Variants in VPS13B observed in about 807,000 individuals in gnomAD.
VPS13B encodes the protein intermembrane lipid transfer protein VPS13B.
VPS13B carries 285 observed loss-of-function variants against 426.4 expected under a neutral mutation model. The observed-to-expected ratio is 0.67, with a 90% CI of 0.61 to 0.74. VPS13B has a LOEUF of 0.74. Ranked by LOEUF, VPS13B falls within the 30% of genes least tolerant of loss-of-function variation. The pLI is 0.00. For synonymous variants in VPS13B, 1,676 were observed against 1,676.4 expected, an observed-to-expected ratio of 1.00 and a Z score of 0.01; for missense variants, 4,537 against 4,782.6, an observed-to-expected ratio of 0.95 and a Z score of 1.51.
chr8:99,255,561 T>C lies in VPS13B; in HGVS notation c.2516-18637T>C, dbSNP rs1563629765. ...GTGGAAGGGAACATGCCTCCACTTATTACTGCTAGGGGATGTACAAATCCA... is the reference window on the plus strand; with the variant it reads ...GTGGAAGGGAACATGCCTCCACTTACTACTGCTAGGGGATGTACAAATCCA... On this transcript the variant is annotated intron_variant, in intron 17 of 61. Coordinates refer to ENST00000357162, the MANE Select transcript of VPS13B (RefSeq NM_152564.5). 2.0e-5 allele frequency among the ~76,000 whole-genome samples: 3 copies of C among 152,338 alleles called. 1 individual carries two copies. Among genetic ancestry groups the C allele is most frequent in the South Asian group, 4.1e-4 (2 of 4,822 alleles).
intron 39 of VPS13B, among the ~76,000 whole-genome samples, chr8:99,762,235 A>G (rs1236912101): frequency 2.6e-5 from 4 of 152,042 alleles, no homozygotes; most frequent in Non-Finnish European, 4.4e-5. Context: ...CGAGTTGCCC[A>G]GGCTGATTTC....
At chr8:99,404,173 C>T (rs1399103462) in intron 21 of VPS13B, among the ~76,000 whole-genome samples, 4 of 152,126 alleles carry the variant, frequency 2.6e-5, no homozygotes, top group Non-Finnish European at 5.9e-5. Flanking sequence ...TGTAATGTCA[C>T]TTAATTTTAA....
Position 99,837,172 on chromosome 8 carries a change from G to C in VPS13B, c.9942+1434G>C, listed in dbSNP as rs1315717679. ...GGAAAAAGAGAGGGGCCTGAGAAGAGCAGTAGCTGTGGAAACTGGTGAAGG... is the reference window on the plus strand; with the variant it reads ...GGAAAAAGAGAGGGGCCTGAGAAGACCAGTAGCTGTGGAAACTGGTGAAGG... On this transcript the variant is annotated intron_variant, in intron 54 of 61. Coordinates refer to ENST00000357162, the MANE Select transcript of VPS13B (RefSeq NM_152564.5). 2.0e-5 allele frequency among the ~76,000 whole-genome samples: 3 copies of C among 152,196 alleles called. No homozygotes were observed. In the East Asian group the frequency reaches 5.8e-4, roughly 29 times the overall value.
chr8:99,155,211 G>A (rs1437297713), intron 14 of VPS13B, among the ~76,000 whole-genome samples: 3 of 152,078 alleles, frequency 2.0e-5, no homozygotes, highest in Admixed American at 2.0e-4. Context: ...AGATAAAGTA[G>A]ATTTTAAGCT....
At chr8:99,210,604 T>A (rs11990603) in intron 17 of VPS13B, among the ~76,000 whole-genome samples, 8,734 of 151,358 alleles carry the variant, frequency 0.058, 288 homozygotes, top group African/African-American at 0.089. Flanking sequence ...TCTTGAAAAA[T>A]ATATATATAT....
At chr8:99,452,406 T>C (rs1480754474) in intron 23 of VPS13B, among the ~76,000 whole-genome samples, 1 of 152,144 alleles carries the variant, frequency 6.6e-6, no homozygotes, top group Non-Finnish European at 1.5e-5. Flanking sequence ...CTGATTCCCC[T>C]ACTAGGGTGA....
chr8:99,547,299 G>A (rs1282135612), intron 30 of VPS13B, among the ~76,000 whole-genome samples: 1 of 151,440 alleles, frequency 6.6e-6, no homozygotes. Flanking sequence ...CTCAGCATTT[G>A]TTTCAGTCTG....
intron 4 of VPS13B, among the ~76,000 whole-genome samples, chr8:99,101,195 G>T (rs1846720661): frequency 6.6e-6 from 1 of 152,110 alleles, no homozygotes; most frequent in African/African-American, 2.4e-5. Flanking sequence ...GCAGTGGCAC[G>T]ATCCCGGCTC....
rs757697063 is a variant in VPS13B, at chr8:99,038,520, C to A, written c.245C>A (p.Thr82Asn). 6.2e-7 allele frequency: 1 copy of A among 1,612,590 alleles called. No individual in the cohort carries two copies. Among genetic ancestry groups the A allele is most frequent in the Non-Finnish European group, 8.5e-7 (1 of 1,179,244 alleles). ...CTGGGTTCAGAACCAGTGGTAATTA[C>A]CATCAATACTATGGAATGCATTTTG... ...TKLGSEPVVI[T>N]INTMECILKL... The change falls in exon 3 of 62, where the codon ACC becomes AAC. Residue 82 changes from threonine to asparagine, a missense_variant. Thr to Asn is a moderately conservative substitution (Grantham distance 65, BLOSUM62 0). Coordinates refer to ENST00000357162, the MANE Select transcript of VPS13B (RefSeq NM_152564.5).
rs146427533 is a variant in VPS13B, at chr8:99,684,320, T to A, written c.6047-15205T>A. Among the ~76,000 whole-genome samples, 94 of 152,304 alleles carry A rather than the reference T, an allele frequency of 6.2e-4. 1 individual carries two copies. The highest frequency in any genetic ancestry group is 1.9e-3 in the African/African-American group (81 of 41,572). On this transcript the variant is annotated intron_variant, in intron 35 of 61. Coordinates refer to ENST00000357162, the MANE Select transcript of VPS13B (RefSeq NM_152564.5). The stretch of plus-strand genomic sequence containing the variant: ...GGTAATGATGGTCTCATAAAATGAA[T>A]TAAGAAGTATTCTCTCCTCTTCTAT...
chr8:99,830,998 T>G (rs908589653), intron 51 of VPS13B, among the ~76,000 whole-genome samples: 1 of 151,606 alleles, frequency 6.6e-6, no homozygotes, highest in Non-Finnish European at 1.5e-5. Context: ...CCATCCACCT[T>G]CTGTGTTGGT....
intron 30 of VPS13B, among the ~76,000 whole-genome samples, chr8:99,537,098 CGT>C (rs1253967114): frequency 6.6e-6 from 1 of 151,800 alleles, no homozygotes; most frequent in East Asian, 1.9e-4. Flanking sequence ...CAAATAATAA[CGT>C]ATATCCACCT....
intron 3 of VPS13B, among the ~76,000 whole-genome samples, chr8:99,064,382 A>G (rs1393239017): frequency 6.6e-6 from 1 of 152,220 alleles, no homozygotes; most frequent in Non-Finnish European, 1.5e-5. Context: ...CGAATGGCTA[A>G]CTAGAATAAA....
chr8:99,133,423 A>G (rs1195781010), intron 8 of VPS13B, among the ~76,000 whole-genome samples: 10 of 152,186 alleles, frequency 6.6e-5, no homozygotes, highest in Non-Finnish European at 1.2e-4. Context: ...CTCCATATCA[A>G]CAGGCTGTTT....
At chr8:99,377,900 CA>C (rs1354384469) in intron 19 of VPS13B, among the ~76,000 whole-genome samples, 1 of 152,272 alleles carries the variant, frequency 6.6e-6, no homozygotes, top group Admixed American at 6.5e-5. Context: ...GGTGAGATCA[CA>C]AGGTCAGGGT....
At chr8:99,562,195 T>G (rs1034575294) in intron 31 of VPS13B, among the ~76,000 whole-genome samples, 1 of 152,206 alleles carries the variant, frequency 6.6e-6, no homozygotes, top group Non-Finnish European at 1.5e-5. Context: ...TAATGATTAA[T>G]GAACTTGAGC....
chr8:99,708,313 A>G (rs1832571632), intron 36 of VPS13B, among the ~76,000 whole-genome samples: 1 of 152,102 alleles, frequency 6.6e-6, no homozygotes, highest in Admixed American at 6.6e-5. Flanking sequence ...ACCCTTTGGT[A>G]TTTTTAGTTT....
rs1563495224 is a variant in VPS13B, at chr8:99,828,394, G to GCTTTTTTTTTTTTTTTTTT, written c.9331-3975_9331-3974insCTTTTTTTTTTTTTTTTTT. 6.9e-4 allele frequency among the ~76,000 whole-genome samples: 12 copies of GCTTTTTTTTTTTTTTTTTT among 17,446 alleles called. 1 individual carries two copies. Among genetic ancestry groups the GCTTTTTTTTTTTTTTTTTT allele is most frequent in the South Asian group, 5.0e-3 (2 of 402 alleles). The allele number at this position is 17,446 out of a possible 152,430, so 11.4% of individuals were successfully genotyped here. ...ATCAGAGACTAGGATTACAACCACC[G>GCTTTTTTTTTTTTTTTTTT]TTTTTTTTTTTTTTTTTTTTTTTTT... On this transcript the variant is annotated intron_variant, in intron 51 of 61. Coordinates refer to ENST00000357162, the MANE Select transcript of VPS13B (RefSeq NM_152564.5).
intron 34 of VPS13B, among the ~76,000 whole-genome samples, chr8:99,660,899 A>G (rs2129757493): frequency 6.6e-6 from 1 of 152,326 alleles, no homozygotes; most frequent in Middle Eastern, 3.4e-3. Flanking sequence ...TTGTAATGTC[A>G]GTAAAACTCT....
Sources: allele counts gnomAD v4.1 joint callset (sites outside exome capture counted in the v4.1 genomes callset), GRCh38; gene constraint gnomAD v4.1.1; transcripts MANE v1.5; gene names NCBI Gene and HGNC (gene_info 2026-07-23, HGNC 2026-07-21).